GPI: variants seen among roughly 807,000 people sequenced by gnomAD.
GPI encodes glucose-6-phosphate isomerase.
GPI carries 56 observed loss-of-function variants against 75.8 expected under a neutral mutation model. That is an observed-to-expected ratio of 0.74 (90% CI 0.60 to 0.92). The LOEUF is 0.92. GPI is among the 40% of genes least tolerant of loss of function. The probability of loss-of-function intolerance (pLI) is 0.00; values close to 1 mark genes in which losing one functional copy is unlikely to be tolerated. For synonymous variants in GPI, 288 were observed against 285.4 expected (o/e 1.01, Z -0.09); for missense variants, 638 against 741.0 (o/e 0.86, Z 1.61).
At position 34,365,751 on chromosome 19, in the gene GPI, T is replaced by C. The variant is rs370218079; in HGVS notation, c.122+363T>C. 50 of 486,796 alleles carry C rather than the reference T, an allele frequency of 1.0e-4. No homozygotes were observed. The East Asian group carries it at 2.1e-3, about 20-fold the overall frequency. 30.2% of individuals were successfully genotyped at this position (486,796 alleles called of 1,614,324 possible). A position where few individuals can be genotyped will look rare whatever the true frequency, so the allele number is the denominator to read the frequency against. Reference sequence around the variant, plus strand: ...TGACGCAGCAAGCGGGAAAGGGCTGTCCCTTTCCATCCGCTCCTGGCCACA... The same window carrying C: ...TGACGCAGCAAGCGGGAAAGGGCTGCCCCTTTCCATCCGCTCCTGGCCACA... On this transcript the variant is annotated intron_variant, in intron 1 of 17. Coordinates refer to ENST00000356487, the MANE Select transcript of GPI (RefSeq NM_000175.5).
intron 1 of GPI, 31 bp downstream of exon 1, chr19:34,365,419 C>A (rs1408082864): frequency 3.3e-6 from 5 of 1,537,278 alleles, no homozygotes; most frequent in South Asian, 1.2e-5. Flanking sequence ...GGGGCTGCCA[C>A]GCGCGGCGCC....
rs1396630615 is a variant in GPI at position 34,380,050 on chromosome 19, G to A, written c.750+488G>A. ...CTCACTCTGTTGCCCAGGCTGGAGT[G>A]CAGTGGCGTGATCTTGGCTCACTGC... On this transcript the variant is annotated intron_variant, in intron 8 of 17. Transcript: ENST00000356487. Among the ~76,000 whole-genome samples, 13 of 140,094 alleles carry A rather than the reference G, an allele frequency of 9.3e-5. No homozygotes were observed. In the Admixed American group the frequency reaches 1.0e-3, roughly 11 times the overall value. The allele number at this position is 140,094 out of a possible 152,430, so 91.9% of individuals were successfully genotyped here.
chr19:34,371,686 T>TA (rs945590932), intron 4 of GPI, among the ~76,000 whole-genome samples: 191 of 149,216 alleles, frequency 1.3e-3, no homozygotes, highest in African/African-American at 4.1e-3. Flanking sequence ...CCATCTCTAC[T>TA]AAAAAAAAAT....
At chr19:34,366,698 G>A in intron 2 of GPI, 85 bp from the exon 3 acceptor site, 1 of 931,016 alleles carries the variant, frequency 1.1e-6, no homozygotes, top group Non-Finnish European at 1.8e-6. Flanking sequence ...TCTCATTGGG[G>A]ACAGCACCAA....
At chr19:34,388,496 A>G (rs761138857) in intron 9 of GPI, among the ~76,000 whole-genome samples, 3 of 152,088 alleles carry the variant, frequency 2.0e-5, no homozygotes, top group Admixed American at 6.6e-5. Flanking sequence ...GAAAGTGAGT[A>G]AAGTGAGGAA....
chr19:34,361,060 G>A (rs2074298561), upstream of GPI, among the ~76,000 whole-genome samples: 2 of 151,836 alleles, frequency 1.3e-5, no homozygotes, highest in Non-Finnish European at 2.9e-5. Flanking sequence ...TTACAGGTGT[G>A]AGTCACTGCA....
At chr19:34,399,839 T>C in intron 17 of GPI, 54 bp downstream of exon 17, 25 of 1,613,266 alleles carry the variant, frequency 1.5e-5, no homozygotes, top group Non-Finnish European at 2.0e-5. Flanking sequence ...GGCTCAGGGA[T>C]TTCAGTAGCA....
intron 8 of GPI, 100 bp from the exon 9 acceptor site, chr19:34,381,366 C>T: frequency 1.2e-6 from 1 of 840,898 alleles, no homozygotes; most frequent in Non-Finnish European, 2.1e-6. Context: ...AGGTGAGGCT[C>T]AGCTCACGGA....
In GPI at chr19:34,366,811, G is replaced by A. The variant is rs575607644; in HGVS notation, c.242G>A (p.Arg81Gln). 18 of 1,613,552 alleles carry A rather than the reference G, an allele frequency of 1.1e-5. No individual in the cohort carries two copies. The highest frequency in any genetic ancestry group is 8.3e-5 in the Admixed American group (5 of 60,012). The change falls in exon 3 of 18, where the codon CGG (arginine) becomes CAG (glutamine). Residue 81 changes from arginine to glutamine, a missense_variant. By Grantham distance (43) the Arg-to-Gln change is conservative. Transcript: ENST00000356487. ...AAGTCCAGGGGCGTGGAGGCCGCCCGGGAGCGGATGTTCAATGGTGAGAAG... is the reference window on the plus strand; with the variant it reads ...AAGTCCAGGGGCGTGGAGGCCGCCCAGGAGCGGATGTTCAATGGTGAGAAG... Reference protein sequence around the residue: ...LAKSRGVEAARERMFNGEKIN... With the variant: ...LAKSRGVEAAQERMFNGEKIN...
exon 1 of GPI, chr19:34,359,718 A>T (rs1374245602): frequency 6.6e-6 from 1 of 151,906 alleles, no homozygotes; most frequent in African/African-American, 2.4e-5. Flanking sequence ...TGACCACCCC[A>T]CCAGTCCTCT....
In GPI at chr19:34,379,023, C is replaced by T; in HGVS notation, c.705+18C>T. The T allele has an allele frequency of 6.2e-7, 1 of 1,606,702 alleles. No individual in the cohort carries two copies. Among genetic ancestry groups the T allele is most frequent in the Non-Finnish European group, 8.5e-7 (1 of 1,173,198 alleles). On this transcript the variant is annotated intron_variant, in intron 7 of 17. Transcript: ENST00000356487. Reference sequence around the variant, plus strand: ...CCAAGGATGTGAGTGGGCTATAGGGCCTTCCTCGTGGTTAGCCTCTGGGCT... The same window carrying T: ...CCAAGGATGTGAGTGGGCTATAGGGTCTTCCTCGTGGTTAGCCTCTGGGCT...
chr19:34,383,757 G>A (rs1424675689), intron 9 of GPI, among the ~76,000 whole-genome samples: 1 of 152,108 alleles, frequency 6.6e-6, no homozygotes, highest in Non-Finnish European at 1.5e-5. Context: ...GGGTGGGTGC[G>A]GTCTGAGTGG....
At chr19:34,399,102 G>A in intron 14 of GPI, 105 bp from the exon 15 acceptor site, 1 of 1,083,002 alleles carries the variant, frequency 9.2e-7, no homozygotes. Context: ...TACAGCGAGT[G>A]ACCCAGGCTG....
chr19:34,373,658 A>G (rs2074489290), intron 4 of GPI, among the ~76,000 whole-genome samples: 1 of 152,196 alleles, frequency 6.6e-6, no homozygotes, highest in African/African-American at 2.4e-5. Flanking sequence ...TTTAGCAACT[A>G]GAAGCAACAA....
Position 34,369,752 on chromosome 19 carries a change from G to A in GPI, c.402+1050G>A, listed in dbSNP as rs576219843. On this transcript the variant is annotated intron_variant, in intron 4 of 17. Coordinates refer to ENST00000356487, the MANE Select transcript of GPI (RefSeq NM_000175.5). Reference sequence around the variant, plus strand: ...ATCCCCATTCCCAGCTAACCCTCCAGAAGCAGCCTTTGTAAAGTTTCCTGT... The same window carrying A: ...ATCCCCATTCCCAGCTAACCCTCCAAAAGCAGCCTTTGTAAAGTTTCCTGT... Among the ~76,000 whole-genome samples, 211 of 150,636 alleles carry A rather than the reference G, an allele frequency of 1.4e-3. 2 individuals carry two copies. The highest frequency in any genetic ancestry group is 5.1e-3 in the African/African-American group (208 of 40,820).
rs760057544 is a variant in GPI, at chr19:34,393,741, C to A, written c.879C>A (p.Phe293Leu). The A allele has an allele frequency of 1.2e-6, 2 of 1,613,134 alleles. No homozygotes were observed. The highest frequency in any genetic ancestry group is 2.7e-5 in the African/African-American group (2 of 74,812). The change falls in exon 11 of 18, where the codon TTC becomes TTA. Residue 293 changes from phenylalanine to leucine, a missense_variant. By Grantham distance (22) the Phe-to-Leu change is conservative (BLOSUM62 0). Coordinates refer to ENST00000356487, the MANE Select transcript of GPI (RefSeq NM_000175.5). This position sits in a 1 kb window ranked among gnomAD's most constrained non-coding sequence, Gnocchi z 4.4. ...TTTGTGTCACAGGTTTTGACAACTT[C>A]GAGCAGCTGCTCTCGGGGGCTCACT... is the stretch of plus-strand genomic sequence containing the variant. ...SIALHVGFDN[F>L]EQLLSGAHWM... is the part of the protein sequence containing the mutation.
At chr19:34,373,216 T>A (rs2074481766) in intron 4 of GPI, among the ~76,000 whole-genome samples, 1 of 151,720 alleles carries the variant, frequency 6.6e-6, no homozygotes, top group Non-Finnish European at 1.5e-5. Flanking sequence ...GCAAAACCCG[T>A]CTCTACTAAA....
chr19:34,396,816 G>T (rs766463010), intron 14 of GPI, among the ~76,000 whole-genome samples, 159 bp downstream of exon 14: 3 of 152,144 alleles, frequency 2.0e-5, no homozygotes, highest in Non-Finnish European at 4.4e-5. Flanking sequence ...CTTCTTTTGT[G>T]GGGTGGGGAG....
At position 34,368,703 on chromosome 19, in the gene GPI, G is replaced by T. The variant is rs2074404858; in HGVS notation, c.402+1G>T. ...GGACAAGATGAAGTCTTTCTGCCAGGTAAGTGGCTACTGGGCCGGACTCAC... is the reference window on the plus strand; with the variant it reads ...GGACAAGATGAAGTCTTTCTGCCAGTTAAGTGGCTACTGGGCCGGACTCAC... On this transcript the variant is annotated splice_donor_variant, in intron 4 of 17. Transcript: ENST00000356487. LOFTEE classifies it high-confidence loss of function. 2.5e-6 allele frequency: 4 copies of T among 1,614,086 alleles called. No homozygotes were observed. The highest frequency in any genetic ancestry group is 3.4e-6 in the Non-Finnish European group (4 of 1,180,036).
Sources: allele counts gnomAD v4.1 joint callset (sites outside exome capture counted in the v4.1 genomes callset), GRCh38; gene constraint gnomAD v4.1.1; non-coding constraint Gnocchi (gnomAD v3.1); transcripts MANE v1.5; gene names NCBI Gene and HGNC (gene_info 2026-07-23, HGNC 2026-07-21).